Variants in SLC38A12 observed in about 807,000 individuals in gnomAD.
SLC38A12 encodes putative sodium-coupled neutral amino acid transporter 12.
the SLC38A12 span, among the ~76,000 whole-genome samples, chr17:74,816,520 C>G: frequency 3.3e-5 from 5 of 152,334 alleles, no homozygotes; most frequent in East Asian, 9.6e-4. Context: ...AAGACTTCAG[C>G]AAGGCTGCTG....
chr17:74,788,157 C>T, the SLC38A12 span, among the ~76,000 whole-genome samples: 3 of 152,112 alleles, frequency 2.0e-5, no homozygotes, highest in African/African-American at 7.2e-5. Context: ...TCTTGGCAAG[C>T]GTCTAATGCC....
chr17:74,822,229 C>T, the SLC38A12 span, among the ~76,000 whole-genome samples: 1 of 152,218 alleles, frequency 6.6e-6, no homozygotes, highest in Non-Finnish European at 1.5e-5. Flanking sequence ...CCCCGGGGTC[C>T]TGGAAGGCGT....
the SLC38A12 span, among the ~76,000 whole-genome samples, chr17:74,825,236 T>G: frequency 6.6e-6 from 1 of 152,242 alleles, no homozygotes; most frequent in African/African-American, 2.4e-5. Flanking sequence ...GCGGCAGCCC[T>G]GCCCACCCTC....
the SLC38A12 span, among the ~76,000 whole-genome samples, chr17:74,777,074 A>G: frequency 6.6e-6 from 1 of 152,222 alleles, no homozygotes; most frequent in African/African-American, 2.4e-5. Flanking sequence ...AGCAAGGGAA[A>G]TGTTAGAAGA....
the SLC38A12 span, among the ~76,000 whole-genome samples, chr17:74,817,945 C>A: frequency 9.9e-3 from 1,502 of 152,278 alleles, 13 homozygotes; most frequent in Non-Finnish European, 0.016. Flanking sequence ...ACCAGGAGTC[C>A]AGTTTCCAGC....
chr17:74,838,899 G>A, the SLC38A12 span: 1 of 1,535,696 alleles, frequency 6.5e-7, no homozygotes, highest in African/African-American at 1.4e-5. Flanking sequence ...GGGCCCCCGG[G>A]GTCAGTGATG....
the SLC38A12 span, among the ~76,000 whole-genome samples, chr17:74,786,963 A>G: frequency 2.6e-5 from 4 of 152,248 alleles, no homozygotes; most frequent in African/African-American, 7.2e-5. Flanking sequence ...TGCTCAACCC[A>G]TTTGTGTTTG....
chr17:74,795,145 G>A, the SLC38A12 span: 9 of 1,575,214 alleles, frequency 5.7e-6, no homozygotes, highest in Non-Finnish European at 7.9e-6. Flanking sequence ...GTTGGCGGTA[G>A]CCAAAGGGGC....
chr17:74,826,083 T>TAGTC, the SLC38A12 span, among the ~76,000 whole-genome samples: 1 of 152,216 alleles, frequency 6.6e-6, no homozygotes, highest in African/African-American at 2.4e-5. Context: ...GGAAGGAGAT[T>TAGTC]AGTCAGCCAG....
chr17:74,819,636 A>G, the SLC38A12 span: 10 of 1,005,252 alleles, frequency 9.9e-6, no homozygotes, highest in Admixed American at 1.1e-4. Context: ...GGTGTGCCCA[A>G]GTCAGGCCCG....
the SLC38A12 span, among the ~76,000 whole-genome samples, chr17:74,815,129 C>A: frequency 3.9e-5 from 6 of 152,194 alleles, no homozygotes; most frequent in Non-Finnish European, 7.3e-5. Context: ...TGAACCTCTC[C>A]AGCCCCCCAG....
chr17:74,836,992 C>T, the SLC38A12 span: 5 of 1,181,284 alleles, frequency 4.2e-6, 1 homozygote, highest in South Asian at 1.2e-4. The surrounding 1 kb of genome is among the most constrained non-coding windows in gnomAD (Gnocchi z 4.2). Flanking sequence ...CACGCTTCAC[C>T]CCCAACCCTA....
the SLC38A12 span, among the ~76,000 whole-genome samples, chr17:74,796,094 C>T: frequency 6.6e-6 from 1 of 152,224 alleles, no homozygotes; most frequent in Non-Finnish European, 1.5e-5. Context: ...CTCTTCCTAT[C>T]TTCCCTCCTC....
At chr17:74,806,485 A>G in the SLC38A12 span, among the ~76,000 whole-genome samples, 1 of 152,218 alleles carries the variant, frequency 6.6e-6, no homozygotes, top group Non-Finnish European at 1.5e-5. Flanking sequence ...CATGAGAGCC[A>G]GTAAGCCACG....
At chr17:74,802,201 C>G in the SLC38A12 span, among the ~76,000 whole-genome samples, 17 of 152,346 alleles carry the variant, frequency 1.1e-4, no homozygotes, top group African/African-American at 3.6e-4. Context: ...TTTAATGTCA[C>G]TCTCAGGGAC....
At chr17:74,785,691 G>A in the SLC38A12 span, 42 of 1,513,676 alleles carry the variant, frequency 2.8e-5, no homozygotes, top group South Asian at 2.5e-5. Context: ...GGGCACTGAG[G>A]GGGTGGGAAG....
At chr17:74,783,099 C>T in the SLC38A12 span, among the ~76,000 whole-genome samples, 1 of 152,182 alleles carries the variant, frequency 6.6e-6, no homozygotes, top group Admixed American at 6.5e-5. Flanking sequence ...CACTGCACTC[C>T]AACTTGGGCA....
At chr17:74,806,376 G>A in the SLC38A12 span, among the ~76,000 whole-genome samples, 6 of 152,248 alleles carry the variant, frequency 3.9e-5, no homozygotes, top group East Asian at 1.9e-4. Flanking sequence ...CACAGCCGTC[G>A]GGGAGAATAA....
At chr17:74,828,066 G>A in the SLC38A12 span, among the ~76,000 whole-genome samples, 1 of 152,210 alleles carries the variant, frequency 6.6e-6, no homozygotes, top group Admixed American at 6.5e-5. Context: ...CCGGCCATTT[G>A]TTATCATTAG....
Sources: allele counts gnomAD v4.1 joint callset (sites outside exome capture counted in the v4.1 genomes callset), GRCh38; gene constraint gnomAD v4.1.1; non-coding constraint Gnocchi (gnomAD v3.1); transcripts MANE v1.5; gene names NCBI Gene and HGNC (gene_info 2026-07-23, HGNC 2026-07-21).